TAF1B: variants seen among roughly 807,000 people sequenced by gnomAD.
The protein encoded by TAF1B is TATA box-binding protein-associated factor RNA polymerase I subunit B.
Under a neutral mutation model 83.9 loss-of-function variants are expected in TAF1B, and 61 were observed. That is an observed-to-expected ratio of 0.73 (90% CI 0.59 to 0.90). TAF1B has a LOEUF of 0.90. Among genes scored for constraint, TAF1B ranks in the 40% least tolerant of loss-of-function variants. The pLI, the probability that TAF1B is intolerant of heterozygous loss-of-function variation, is 0.00. For missense variants in TAF1B, 625 were observed against 677.0 expected (o/e 0.92, Z 0.85); for synonymous variants, 221 against 224.6 (o/e 0.98, Z 0.14).
At chr2:9,911,437 T>G in intron 10 of TAF1B, 74 bp from the exon 11 acceptor site, 2 of 1,198,340 alleles carry the variant, frequency 1.7e-6, no homozygotes, top group Non-Finnish European at 2.3e-6. Context: ...CACTTTTCTC[T>G]CAGAAGAATT....
chr2:9,893,995 T>A (rs1664946429), intron 8 of TAF1B, among the ~76,000 whole-genome samples: 1 of 152,220 alleles, frequency 6.6e-6, no homozygotes, highest in Admixed American at 6.5e-5. Context: ...AGCTAAAGGA[T>A]GTTGTCTAAA....
rs773478047 is a variant in TAF1B, at chr2:9,919,630, A to G, written c.1375A>G (p.Thr459Ala). The stretch of plus-strand genomic sequence containing the variant: ...GGTGAATCTACAGAAACAATTTAGC[A>G]CACTGGTCGAGTCAACAGCAACTGC... ...MVVNLQKQFSTLVESTATAGK... is the reference protein window; with the variant it reads ...MVVNLQKQFSALVESTATAGK... The change falls in exon 14 of 15, where the codon ACA becomes GCA. Residue 459 changes from threonine to alanine, a missense_variant. By Grantham distance (58) the Thr-to-Ala change is moderately conservative. Transcript: ENST00000263663. 2 of 1,614,130 alleles carry G rather than the reference A, an allele frequency of 1.2e-6. No individual in the cohort carries two copies. Among genetic ancestry groups the G allele is most frequent in the East Asian group, 4.5e-5 (2 of 44,868 alleles).
intron 8 of TAF1B, among the ~76,000 whole-genome samples, chr2:9,895,200 A>C (rs974199267): frequency 3.9e-5 from 6 of 152,252 alleles, no homozygotes; most frequent in African/African-American, 1.4e-4. Flanking sequence ...GATTTTGAAC[A>C]CAAAAAAAAT....
intron 14 of TAF1B, 76 bp downstream of exon 14, chr2:9,919,896 G>A (rs569720428): frequency 7.2e-7 from 1 of 1,395,406 alleles, no homozygotes; most frequent in East Asian, 2.5e-5. Flanking sequence ...TTTTTTGTTG[G>A]AATTAGAAGC....
chr2:9,919,624 T>A lies in TAF1B; in HGVS notation c.1369T>A (p.Phe457Ile). The change falls in exon 14 of 15, where the codon TTT becomes ATT. Residue 457 changes from phenylalanine (F) to isoleucine (I), a missense_variant. By Grantham distance (21) the Phe-to-Ile change is conservative. Transcript: ENST00000263663. Reference protein sequence around the residue: ...REMVVNLQKQFSTLVESTATA... With the variant: ...REMVVNLQKQISTLVESTATA... ...AATGGTGGTGAATCTACAGAAACAA[T>A]TTAGCACACTGGTCGAGTCAACAGC... is the stretch of plus-strand genomic sequence containing the variant. The A allele has an allele frequency of 3.1e-6, 5 of 1,614,160 alleles. No individual in the cohort carries two copies. The highest frequency in any genetic ancestry group is 4.2e-6 in the Non-Finnish European group (5 of 1,180,036).
intron 11 of TAF1B, 38 bp downstream of exon 11, chr2:9,911,595 A>T: frequency 7.2e-7 from 1 of 1,381,720 alleles, no homozygotes; most frequent in Non-Finnish European, 9.8e-7. Context: ...CAAAGTGGTT[A>T]TAGATGATAG....
Position 9,934,035 on chromosome 2 carries a change from A to T in TAF1B, c.*51A>T. The T allele has an allele frequency of 1.5e-6, 2 of 1,374,302 alleles. No individual in the cohort carries two copies. The highest frequency in any genetic ancestry group is 9.9e-7 in the Non-Finnish European group (1 of 1,007,530). 85.1% of individuals were successfully genotyped at this position (1,374,302 alleles called of 1,614,324 possible). A position where few individuals can be genotyped will look rare whatever the true frequency, so the allele number is the denominator to read the frequency against. On this transcript the variant is annotated 3_prime_UTR_variant, in exon 15 of 15. Transcript: ENST00000263663. The stretch of plus-strand genomic sequence containing the variant: ...AAAATATTTTAATAGTGATAATAAC[A>T]TCAGATTTTAATATAACATTCCAGA...
intron 14 of TAF1B, among the ~76,000 whole-genome samples, chr2:9,929,087 C>T (rs541849655): frequency 5.3e-5 from 8 of 152,264 alleles, no homozygotes; most frequent in South Asian, 2.1e-4. Context: ...TGAATTTTGT[C>T]GAAGGCCTCT....
intron 5 of TAF1B, among the ~76,000 whole-genome samples, chr2:9,863,888 T>C (rs377715809): frequency 1.6e-4 from 24 of 152,266 alleles, no homozygotes; most frequent in East Asian, 9.6e-4. Context: ...AAAGATGTTC[T>C]TTGAAACCAA....
At chr2:9,926,940 G>GT in intron 14 of TAF1B, among the ~76,000 whole-genome samples, 1 of 151,582 alleles carries the variant, frequency 6.6e-6, no homozygotes, top group Non-Finnish European at 1.5e-5. Flanking sequence ...TTGTTACATA[G>GT]ATACATGTGC....
At chr2:9,897,549 G>T (rs1265888356) in intron 8 of TAF1B, among the ~76,000 whole-genome samples, 1 of 152,192 alleles carries the variant, frequency 6.6e-6, no homozygotes, top group Non-Finnish European at 1.5e-5. Flanking sequence ...AAGAAAAGAT[G>T]TAATACTGGG....
intron 8 of TAF1B, among the ~76,000 whole-genome samples, chr2:9,885,364 G>A (rs1183480255): frequency 6.6e-6 from 1 of 152,138 alleles, no homozygotes; most frequent in Non-Finnish European, 1.5e-5. Flanking sequence ...ACAAATAGAA[G>A]GTGACACTGG....
intron 8 of TAF1B, among the ~76,000 whole-genome samples, chr2:9,894,099 A>G (rs1664950376): frequency 6.7e-6 from 1 of 148,434 alleles, no homozygotes; most frequent in Admixed American, 6.8e-5. Flanking sequence ...TAAATTGAGC[A>G]TAAAGACCGT....
At chr2:9,858,184 C>G (rs1219277164) in intron 5 of TAF1B, among the ~76,000 whole-genome samples, 1 of 152,216 alleles carries the variant, frequency 6.6e-6, no homozygotes, top group Non-Finnish European at 1.5e-5. Flanking sequence ...GGTAAATGTT[C>G]CCAATCCACA....
intron 7 of TAF1B, among the ~76,000 whole-genome samples, chr2:9,881,265 G>A (rs1414368369): frequency 6.6e-6 from 1 of 152,030 alleles, no homozygotes; most frequent in Non-Finnish European, 1.5e-5. Flanking sequence ...TTGAACCTGG[G>A]AGGTGGAGGC....
At chr2:9,885,961 G>A (rs1664662600) in intron 8 of TAF1B, among the ~76,000 whole-genome samples, 1 of 152,128 alleles carries the variant, frequency 6.6e-6, no homozygotes, top group Non-Finnish European at 1.5e-5. Context: ...TATTAAAGCT[G>A]GAGGGAAATT....
intron 8 of TAF1B, among the ~76,000 whole-genome samples, chr2:9,897,575 G>A (rs922825651): frequency 2.6e-5 from 4 of 152,192 alleles, no homozygotes; most frequent in African/African-American, 9.6e-5. Flanking sequence ...CAAACCCACT[G>A]CGTGGCACTT....
rs529022814 is a variant in TAF1B at position 9,898,526 on chromosome 2, A to G, written c.808-6333A>G. On this transcript the variant is annotated intron_variant, in intron 8 of 14. Transcript: ENST00000263663. ...TTCTGTTTAAAACTGTTTGGGAACT[A>G]TATCTATTGAGAAACTGGTCTGTGA... is the stretch of plus-strand genomic sequence containing the variant. Among the ~76,000 whole-genome samples, 5 of 152,330 alleles carry G rather than the reference A, an allele frequency of 3.3e-5. No individual in the cohort carries two copies. The South Asian group carries it at 6.2e-4, about 19-fold the overall frequency.
In TAF1B at chr2:9,910,927, A is replaced by G; in HGVS notation, c.1133+14A>G. The G allele has an allele frequency of 6.3e-7, 1 of 1,588,718 alleles. No individual in the cohort carries two copies. The highest frequency in any genetic ancestry group is 2.2e-5 in the East Asian group (1 of 44,458). On this transcript the variant is annotated intron_variant, in intron 10 of 14. Coordinates refer to ENST00000263663, the MANE Select transcript of TAF1B (RefSeq NM_005680.3). Reference sequence around the variant, plus strand: ...CAGTTTCGAGTGGTAAGTGTACGTCAATTTTATGACAAGTAACATTTTATG... The same window carrying G: ...CAGTTTCGAGTGGTAAGTGTACGTCGATTTTATGACAAGTAACATTTTATG...
Sources: allele counts gnomAD v4.1 joint callset (sites outside exome capture counted in the v4.1 genomes callset), GRCh38; gene constraint gnomAD v4.1.1; transcripts MANE v1.5; gene names NCBI Gene and HGNC (gene_info 2026-07-23, HGNC 2026-07-21).